WDPCP: variants seen among roughly 807,000 people sequenced by gnomAD.
The protein encoded by WDPCP is WD repeat containing planar cell polarity effector, also known as WD repeat-containing and planar cell polarity effector protein fritz homolog.
In WDPCP, 71 loss-of-function variants were observed where a neutral mutation model predicts 93.1. The observed-to-expected ratio is 0.76, with a 90% CI of 0.63 to 0.93. The LOEUF is 0.93. Ranked by LOEUF, WDPCP falls within the 40% of genes least tolerant of loss-of-function variation. The pLI is 0.00. For synonymous variants in WDPCP, 315 were observed against 315.0 expected (o/e 1.00, Z 0.00); for missense variants, 844 against 887.4 (o/e 0.95, Z 0.62).
At chr2:63,716,122 C>T (rs1000127171) in intron 2 of WDPCP, among the ~76,000 whole-genome samples, 2 of 152,182 alleles carry the variant, frequency 1.3e-5, no homozygotes, top group South Asian at 2.1e-4. Flanking sequence ...GGTTAGTAAG[C>T]GTTTCTCTGA....
At chr2:63,840,512 C>G in the WDPCP span, among the ~76,000 whole-genome samples, 1 of 152,302 alleles carries the variant, frequency 6.6e-6, no homozygotes, top group African/African-American at 2.4e-5. Context: ...CTAAACCCTC[C>G]TTTTGTTAGC....
chr2:63,786,698 G>C (rs1670470530), intron 2 of WDPCP, among the ~76,000 whole-genome samples: 2 of 152,156 alleles, frequency 1.3e-5, no homozygotes, highest in African/African-American at 4.8e-5. Context: ...AAGTAATACA[G>C]ACATACGTAA....
intron 6 of WDPCP, among the ~76,000 whole-genome samples, chr2:63,454,567 A>G (rs1188611994): frequency 2.0e-5 from 3 of 152,190 alleles, no homozygotes; most frequent in Non-Finnish European, 4.4e-5. Context: ...GATAAATAGC[A>G]TACCATAAAG....
chr2:63,704,163 T>TTTGCTGAAG, intron 2 of WDPCP, among the ~76,000 whole-genome samples: 1 of 152,374 alleles, frequency 6.6e-6, no homozygotes, highest in East Asian at 1.9e-4. Context: ...ATCCTGCGAC[T>TTTGCTGAAG]TTGCTGAAGT....
chr2:63,714,924 T>C (rs1159588574), intron 2 of WDPCP, among the ~76,000 whole-genome samples: 2 of 152,170 alleles, frequency 1.3e-5, no homozygotes, highest in African/African-American at 4.8e-5. Flanking sequence ...CAGGTGTCAA[T>C]CCATAGATGA....
chr2:63,384,813 C>T (rs1692597912), intron 10 of WDPCP, among the ~76,000 whole-genome samples: 1 of 151,698 alleles, frequency 6.6e-6, no homozygotes, highest in African/African-American at 2.4e-5. Flanking sequence ...GAGAATACTT[C>T]CCAACTCATT....
At chr2:63,456,940 A>C (rs1698666181) in intron 6 of WDPCP, among the ~76,000 whole-genome samples, 1 of 152,146 alleles carries the variant, frequency 6.6e-6, no homozygotes, top group East Asian at 1.9e-4. Flanking sequence ...TAAACCTGGG[A>C]GGTGGAGGTT....
At chr2:63,753,993 C>T (rs945177827) in intron 2 of WDPCP, among the ~76,000 whole-genome samples, 2 of 152,048 alleles carry the variant, frequency 1.3e-5, no homozygotes, top group African/African-American at 4.8e-5. Flanking sequence ...GAGAGGAGCA[C>T]GATAGGGAAG....
At chr2:63,263,487 G>A (rs538065662) in intron 13 of WDPCP, among the ~76,000 whole-genome samples, 14 of 152,202 alleles carry the variant, frequency 9.2e-5, no homozygotes, top group African/African-American at 2.6e-4. Context: ...TTACTCTGCC[G>A]TCTACCCTTC....
At chr2:63,762,071 A>T (rs1354557267) in intron 2 of WDPCP, among the ~76,000 whole-genome samples, 3 of 152,226 alleles carry the variant, frequency 2.0e-5, no homozygotes, top group African/African-American at 7.2e-5. Context: ...TTTCTGGCCA[A>T]GGTTCAGGAC....
intron 6 of WDPCP, among the ~76,000 whole-genome samples, chr2:63,451,948 A>C (rs1698280316): frequency 6.6e-6 from 1 of 152,222 alleles, no homozygotes; most frequent in East Asian, 1.9e-4. Context: ...ATCTCAAAAT[A>C]ATAAGAGCTA....
intron 13 of WDPCP, among the ~76,000 whole-genome samples, chr2:63,279,034 C>A (rs1483716613): frequency 6.6e-6 from 1 of 152,104 alleles, no homozygotes; most frequent in African/African-American, 2.4e-5. Context: ...CAGATGGATT[C>A]ACAGCTGAAT....
chr2:63,762,870 C>T (rs1000858576), intron 2 of WDPCP, among the ~76,000 whole-genome samples: 1 of 152,104 alleles, frequency 6.6e-6, no homozygotes, highest in African/African-American at 2.4e-5. Context: ...TTTGGAGGGG[C>T]TATTCAAACC....
At chr2:63,370,406 A>G (rs769468435) in intron 12 of WDPCP, among the ~76,000 whole-genome samples, 6 of 152,200 alleles carry the variant, frequency 3.9e-5, no homozygotes, top group Non-Finnish European at 7.3e-5. Context: ...AGACCACTCT[A>G]GGCTTAAACA....
At chr2:63,237,804 A>G (rs1679526726) in intron 14 of WDPCP, among the ~76,000 whole-genome samples, 1 of 152,132 alleles carries the variant, frequency 6.6e-6, no homozygotes, top group Non-Finnish European at 1.5e-5. Context: ...AAATATGGGA[A>G]CAGCACACAC....
At chr2:63,351,933 G>A (rs747850342) in intron 12 of WDPCP, among the ~76,000 whole-genome samples, 6 of 152,156 alleles carry the variant, frequency 3.9e-5, no homozygotes, top group Non-Finnish European at 7.4e-5. Flanking sequence ...ACCAGCATCT[G>A]TTGTTTTCTG....
chr2:63,528,250 G>A (rs987376711), intron 1 of WDPCP, among the ~76,000 whole-genome samples: 7 of 152,224 alleles, frequency 4.6e-5, no homozygotes, highest in Non-Finnish European at 8.8e-5. Flanking sequence ...TTTGGCTTTT[G>A]TTGCCATTGC....
Position 63,543,086 on chromosome 2 carries a change from T to C in WDPCP, c.75+45111A>G, listed in dbSNP as rs114095810. On this transcript the variant is annotated intron_variant, in intron 1 of 17. Transcript: ENST00000272321. ...GAATTTCATAAAACATAAATCTAGA[T>C]TTCCAAAAATGCTGTGATTTTTGTA... Among the ~76,000 whole-genome samples the C allele has an allele frequency of 2.5e-3, 380 of 152,276 alleles. 2 individuals carry two copies. Among genetic ancestry groups the C allele is most frequent in the Non-Finnish European group, 4.1e-3 (278 of 67,992 alleles).
chr2:63,473,558 C>T (rs1699805860), intron 6 of WDPCP, among the ~76,000 whole-genome samples: 1 of 152,126 alleles, frequency 6.6e-6, no homozygotes, highest in Non-Finnish European at 1.5e-5. Context: ...CTTTTATTCC[C>T]CATTGGTATC....
Sources: gnomAD v4.1 joint callset for allele counts (sites outside exome capture counted in the v4.1 genomes callset) on GRCh38, gnomAD v4.1.1 for gene constraint, MANE v1.5 for transcripts, NCBI Gene and HGNC (gene_info 2026-07-23, HGNC 2026-07-21) for gene names.